The following MNS1 variants were observed in gnomAD, a reference collection of about 807,000 sequenced individuals.
MNS1 encodes meiosis specific nuclear structural 1.
MNS1 carries 63 observed loss-of-function variants against 72.0 expected under a neutral mutation model. That is an observed-to-expected ratio of 0.87 (90% CI 0.71 to 1.08). The LOEUF (loss-of-function observed/expected upper bound fraction) is 1.08, where lower values mean the gene tolerates loss of function less well. Among genes scored for constraint, MNS1 ranks in the 50% least tolerant of loss-of-function variants. MNS1 has a pLI of 0.00. For missense variants in MNS1, 604 were observed against 562.4 expected (o/e 1.07, Z -0.75); for synonymous variants, 188 against 172.1 (o/e 1.09, Z -0.72).
chr15:56,429,083 T>C lies in MNS1; in HGVS notation c.*18A>G, dbSNP rs769610859. On this transcript the variant is annotated 3_prime_UTR_variant, in exon 10 of 10. Transcript: ENST00000260453. The stretch of plus-strand genomic sequence containing the variant: ...GGTAACATGCAAAAAATCTATGCTT[T>C]ACCCAATTTTGATGATATCATTTCT... 62 of 1,519,292 alleles carry C rather than the reference T, an allele frequency of 4.1e-5. No homozygotes were observed. Among genetic ancestry groups the C allele is most frequent in the Non-Finnish European group, 5.3e-5 (59 of 1,112,428 alleles). 94.1% of individuals were successfully genotyped at this position (1,519,292 alleles called of 1,614,324 possible).
intron 3 of MNS1, among the ~76,000 whole-genome samples, chr15:56,455,034 C>T (rs970715497): frequency 4.6e-5 from 7 of 152,182 alleles, no homozygotes; most frequent in African/African-American, 1.7e-4. Context: ...TTGGAATCAG[C>T]AGAAACCTCT....
chr15:56,445,103 C>G (rs1330166057), intron 4 of MNS1, among the ~76,000 whole-genome samples: 1 of 151,996 alleles, frequency 6.6e-6, no homozygotes, highest in East Asian at 1.9e-4. Flanking sequence ...TCTTACAGGT[C>G]TGCTATTAAA....
chr15:56,443,714 A>C lies in MNS1; in HGVS notation c.827T>G (p.Met276Arg). Residue 276 changes from methionine to arginine, a missense_variant, in exon 6 of 10, where the codon ATG becomes AGG. Coordinates refer to ENST00000260453, the MANE Select transcript of MNS1 (RefSeq NM_018365.4). ...ENRKIIEFANMQQQREEDRMA... is the reference protein window; with the variant it reads ...ENRKIIEFANRQQQREEDRMA... ...CCGATCTTCTTCTCTTTGCTGCTGCATGTTAGCAAACTCTATGATTTTTCT... is the reference window on the plus strand; with the variant it reads ...CCGATCTTCTTCTCTTTGCTGCTGCCTGTTAGCAAACTCTATGATTTTTCT... 6.2e-7 allele frequency: 1 copy of C among 1,613,260 alleles called. No homozygotes were observed. Among genetic ancestry groups the C allele is most frequent in the Non-Finnish European group, 8.5e-7 (1 of 1,179,680 alleles).
chr15:56,453,215 A>G (rs549827043), intron 3 of MNS1, among the ~76,000 whole-genome samples: 1 of 152,318 alleles, frequency 6.6e-6, no homozygotes, highest in African/African-American at 2.4e-5. Context: ...CCCAAAAGAC[A>G]TAATAAATAT....
At chr15:56,450,533 A>T (rs960376589) in intron 3 of MNS1, among the ~76,000 whole-genome samples, 5 of 152,224 alleles carry the variant, frequency 3.3e-5, no homozygotes, top group African/African-American at 1.2e-4. Context: ...TGTCTCGCTT[A>T]CTTAACATAA....
chr15:56,457,988 A>C (rs571060054), intron 2 of MNS1, among the ~76,000 whole-genome samples: 3 of 152,332 alleles, frequency 2.0e-5, no homozygotes, highest in African/African-American at 7.2e-5. Context: ...TCATCATGTG[A>C]GTGGTCAAAT....
At chr15:56,443,391 T>C in intron 7 of MNS1, 39 bp downstream of exon 7, 3 of 1,410,976 alleles carry the variant, frequency 2.1e-6, no homozygotes, top group Non-Finnish European at 2.9e-6. Flanking sequence ...AATTATATTC[T>C]TCTCTACATT....
At chr15:56,449,212 C>A (rs1309210440) in intron 3 of MNS1, among the ~76,000 whole-genome samples, 1 of 152,070 alleles carries the variant, frequency 6.6e-6, no homozygotes. Context: ...TAAAAGCTGT[C>A]AGAGCAGGCA....
chr15:56,452,817 C>G (rs1458199862), intron 3 of MNS1, among the ~76,000 whole-genome samples: 1 of 152,124 alleles, frequency 6.6e-6, no homozygotes, highest in Non-Finnish European at 1.5e-5. Flanking sequence ...CGCACCCGGC[C>G]TAATCCATAT....
At chr15:56,430,562 T>C (rs1356587203) in intron 9 of MNS1, among the ~76,000 whole-genome samples, 4 of 152,086 alleles carry the variant, frequency 2.6e-5, no homozygotes, top group Admixed American at 6.5e-5. Context: ...AAATTCACTA[T>C]CTTCTGGAAT....
intron 3 of MNS1, among the ~76,000 whole-genome samples, chr15:56,450,375 C>A (rs1447532573): frequency 6.6e-6 from 1 of 152,048 alleles, no homozygotes; most frequent in Non-Finnish European, 1.5e-5. Context: ...CTTTTTCATT[C>A]CCCCCAAAGA....
At chr15:56,452,788 G>T (rs1180381644) in intron 3 of MNS1, among the ~76,000 whole-genome samples, 1 of 152,026 alleles carries the variant, frequency 6.6e-6, no homozygotes, top group Admixed American at 6.5e-5. Flanking sequence ...AAAGTGCTGG[G>T]ATTACAGGCA....
chr15:56,438,575 T>C (rs1266414097), intron 7 of MNS1, among the ~76,000 whole-genome samples: 2 of 152,086 alleles, frequency 1.3e-5, no homozygotes, highest in East Asian at 1.9e-4. Flanking sequence ...ATTCAGGACA[T>C]AGGCATGGGC....
intron 4 of MNS1, 46 bp from the exon 5 acceptor site, chr15:56,444,719 T>C (rs773541436): frequency 1.7e-5 from 24 of 1,409,692 alleles, no homozygotes; most frequent in Non-Finnish European, 2.2e-5. Context: ...AATTTGAACA[T>C]AGTACGATAG....
intron 3 of MNS1, among the ~76,000 whole-genome samples, chr15:56,454,541 T>C (rs1400440423): frequency 6.6e-6 from 1 of 152,168 alleles, no homozygotes; most frequent in Non-Finnish European, 1.5e-5. Context: ...TACTGTTGTC[T>C]CTTTGGAGAT....
chr15:56,463,883 C>T (rs1596270556), intron 2 of MNS1, 143 bp downstream of exon 2: 3 of 666,772 alleles, frequency 4.5e-6, no homozygotes, highest in Admixed American at 3.1e-5. Flanking sequence ...CAGGTCTTTA[C>T]GATTACACCG....
rs765253368 is a variant in MNS1, at chr15:56,443,435, G to C, written c.1006C>G (p.Leu336Val). The change falls in exon 7 of 10, where the codon CTA becomes GTA. Residue 336 changes from leucine to valine, a missense_variant. By Grantham distance (32) the Leu-to-Val change is conservative. Coordinates refer to ENST00000260453, the MANE Select transcript of MNS1 (RefSeq NM_018365.4). ...TTTCCATTTCTGAAACTTACTTTTA[G>C]CTTGCTCTTATATATTTCAGCTTGT... is the stretch of plus-strand genomic sequence containing the variant. ...EEQAEIYKSK[L>V]KEEAEKKLRK... 6.4e-6 allele frequency: 10 copies of C among 1,559,262 alleles called. No homozygotes were observed. The highest frequency in any genetic ancestry group is 8.6e-6 in the Non-Finnish European group (10 of 1,160,626).
At chr15:56,432,633 T>A (rs1223819992) in intron 8 of MNS1, among the ~76,000 whole-genome samples, 1 of 152,186 alleles carries the variant, frequency 6.6e-6, no homozygotes, top group Admixed American at 6.5e-5. Context: ...ATCTATGCAT[T>A]AGGTGGCTTT....
At chr15:56,444,714 G>T in intron 4 of MNS1, 41 bp from the exon 5 acceptor site, 1 of 1,483,646 alleles carries the variant, frequency 6.7e-7, no homozygotes, top group South Asian at 1.2e-5. Context: ...TTTCAAATTT[G>T]AACATAGTAC....
Sources: gnomAD v4.1 joint callset for allele counts (sites outside exome capture counted in the v4.1 genomes callset) on GRCh38, gnomAD v4.1.1 for gene constraint, MANE v1.5 for transcripts, NCBI Gene and HGNC (gene_info 2026-07-23, HGNC 2026-07-21) for gene names.